Variants in ZEB1 observed in about 807,000 individuals in gnomAD.
ZEB1 encodes zinc finger E-box-binding homeobox 1.
In ZEB1, 21 loss-of-function variants were observed where a neutral mutation model predicts 84.9. The ratio of observed to expected loss-of-function variants is 0.25; its 90% CI spans 0.18 to 0.36. The LOEUF is 0.36. Among genes scored for constraint, ZEB1 ranks in the 10% least tolerant of loss-of-function variants. The probability of loss-of-function intolerance (pLI) is 1.00; values close to 1 mark genes in which losing one functional copy is unlikely to be tolerated. For synonymous variants in ZEB1, 420 were observed against 471.1 expected, an observed-to-expected ratio of 0.89 and a Z score of 1.41; for missense variants, 1,104 against 1,330.2, an observed-to-expected ratio of 0.83 and a Z score of 2.65.
intron 1 of ZEB1, among the ~76,000 whole-genome samples, chr10:31,440,970 G>A (rs1325355736): frequency 6.6e-6 from 1 of 152,116 alleles, no homozygotes; most frequent in Non-Finnish European, 1.5e-5. Flanking sequence ...TCGTGAAAAT[G>A]GCCATACTGC....
In ZEB1 at chr10:31,520,570, T is replaced by C. The variant is rs2072097102; in HGVS notation, c.1238T>C (p.Ile413Thr). The C allele has an allele frequency of 6.2e-7, 1 of 1,614,046 alleles. No individual in the cohort carries two copies. Among genetic ancestry groups the C allele is most frequent in the South Asian group, 1.1e-5 (1 of 91,076 alleles). Reference sequence around the variant, plus strand: ...CCCATAAGTATCAATTTAAGTGATATTCAGAATGTACTTAAAGTGGCGGTA... The same window carrying C: ...CCCATAAGTATCAATTTAAGTGATACTCAGAATGTACTTAAAGTGGCGGTA... ...VSPISINLSD[I>T]QNVLKVAVDG... The change falls in exon 7 of 9, where the codon ATT (isoleucine) becomes ACT (threonine). Residue 413 changes from isoleucine to threonine, a missense_variant. Around this residue, in one of 7 missense-constraint regions of ZEB1, gnomAD observed 531 missense variants for 575.2 expected, o/e 0.92. Coordinates refer to ENST00000424869, the MANE Select transcript of ZEB1 (RefSeq NM_001174096.2). This position sits in a 1 kb window ranked among gnomAD's most constrained non-coding sequence, Gnocchi z 5.1.
intron 1 of ZEB1, among the ~76,000 whole-genome samples, chr10:31,449,169 C>T (rs1225367855): frequency 1.3e-5 from 2 of 152,324 alleles, no homozygotes; most frequent in South Asian, 2.1e-4. Context: ...GGGAGTGACC[C>T]GATTTTCCAG....
At position 31,510,779 on chromosome 10, in the gene ZEB1, T is replaced by C; in HGVS notation, c.591T>C (p.Asn197=). ...KEHIKYRHEK[N]EDNFSCSLCS... is the part of the protein sequence containing the mutation. ...ACATTAAATATCGTCATGAAAAGAA[T>C]GAAGATAACTTTAGTTGCTCCCTGT... The change falls in exon 5 of 9, where the codon AAT becomes AAC. Residue 197 remains asparagine, a synonymous_variant. Coordinates refer to ENST00000424869, the MANE Select transcript of ZEB1 (RefSeq NM_001174096.2). 1 of 1,613,958 alleles carries C rather than the reference T, an allele frequency of 6.2e-7. No individual in the cohort carries two copies. The highest frequency in any genetic ancestry group is 8.5e-7 in the Non-Finnish European group (1 of 1,179,898).
intron 1 of ZEB1, chr10:31,361,206 C>T (rs545692847): frequency 1.6e-5 from 25 of 1,611,516 alleles, no homozygotes; most frequent in East Asian, 6.7e-5. Context: ...ACTACAACAT[C>T]GTTTCAGGAC....
At chr10:31,525,375 G>A (rs2073229288) in intron 8 of ZEB1, among the ~76,000 whole-genome samples, 1 of 152,184 alleles carries the variant, frequency 6.6e-6, no homozygotes, top group Admixed American at 6.5e-5. Context: ...GGGAAGCCCT[G>A]ATTTGTAGTG....
At chr10:31,389,749 A>T (rs1350811268) in intron 1 of ZEB1, 2 of 152,182 alleles carry the variant, frequency 1.3e-5, no homozygotes, top group Non-Finnish European at 2.9e-5. Context: ...AAGAGGCAAA[A>T]TTAGTTTTCA....
chr10:31,521,885 C>T lies in ZEB1; in HGVS notation c.2553C>T (p.Ser851=). ...CATACACCTACTCAACTACGGTCAG[C>T]CCTGCAGTCCAAGAACCACCCTTGA... ...QVAYTYSTTV[S]PAVQEPPLKV... is the part of the protein sequence containing the mutation. The change falls in exon 7 of 9, where the codon AGC becomes AGT. Residue 851 remains serine (S), a synonymous_variant. Transcript: ENST00000424869. 6.2e-7 allele frequency: 1 copy of T among 1,614,030 alleles called. No individual in the cohort carries two copies. The highest frequency in any genetic ancestry group is 2.2e-5 in the East Asian group (1 of 44,844).
intron 3 of ZEB1, 37 bp from the exon 4 acceptor site, chr10:31,502,311 G>T (rs368738992): frequency 1.2e-6 from 2 of 1,607,596 alleles, no homozygotes; most frequent in East Asian, 4.5e-5. Flanking sequence ...TAACTTAGTG[G>T]TGAGATTGCT....
intron 1 of ZEB1, among the ~76,000 whole-genome samples, chr10:31,453,677 G>T (rs2060863879): frequency 1.3e-5 from 2 of 152,028 alleles, no homozygotes; most frequent in South Asian, 4.1e-4. Context: ...TAAATTCCTG[G>T]ACACATACAC....
chr10:31,394,833 C>A (rs920236493), intron 1 of ZEB1, among the ~76,000 whole-genome samples: 1 of 152,104 alleles, frequency 6.6e-6, no homozygotes, highest in Non-Finnish European at 1.5e-5. Flanking sequence ...CACAGTAAAT[C>A]TAGGAAAGAG....
chr10:31,516,628 G>A (rs1359052879), intron 6 of ZEB1, among the ~76,000 whole-genome samples: 1 of 128,550 alleles, frequency 7.8e-6, no homozygotes, highest in Non-Finnish European at 1.6e-5. Flanking sequence ...CAAGTCCATA[G>A]AAAACGTTAT....
At chr10:31,363,737 G>A in intron 1 of ZEB1, 1 of 1,202,292 alleles carries the variant, frequency 8.3e-7, no homozygotes, top group East Asian at 2.6e-5. Context: ...GACAGCACGG[G>A]TTTCTTCCTT....
intron 1 of ZEB1, among the ~76,000 whole-genome samples, chr10:31,448,956 T>G (rs985948432): frequency 2.0e-5 from 3 of 152,224 alleles, no homozygotes; most frequent in African/African-American, 4.8e-5. Flanking sequence ...TGGAGCTTCC[T>G]GGCTGCTTTG....
chr10:31,319,180 AGGGGGAGGGAG>A, upstream of ZEB1: 1 of 701,906 alleles, frequency 1.4e-6, no homozygotes, highest in East Asian at 8.1e-5. Flanking sequence ...GTGGGGGGGA[AGGGGGAGGGAG>A]GGGGAGGAGG....
intron 3 of ZEB1, among the ~76,000 whole-genome samples, chr10:31,497,165 A>G (rs1044528612): frequency 6.6e-6 from 1 of 152,144 alleles, no homozygotes; most frequent in Admixed American, 6.6e-5. Context: ...TAATAAACAT[A>G]AGAGTACACT....
chr10:31,321,701 A>C, intron 1 of ZEB1: 1 of 939,308 alleles, frequency 1.1e-6, no homozygotes, highest in East Asian at 2.5e-5. Context: ...GAAAGAATGG[A>C]TTTTTCTCCT....
intron 1 of ZEB1, among the ~76,000 whole-genome samples, chr10:31,403,329 G>A (rs1258650909): frequency 6.6e-6 from 1 of 151,892 alleles, no homozygotes; most frequent in Non-Finnish European, 1.5e-5. Context: ...AATAGTTATT[G>A]TTGCAGTATG....
At chr10:31,497,071 T>G (rs916049674) in intron 3 of ZEB1, among the ~76,000 whole-genome samples, 3 of 152,098 alleles carry the variant, frequency 2.0e-5, no homozygotes, top group Admixed American at 1.3e-4. Flanking sequence ...TCAGATATGC[T>G]TGTTATCAAA....
intron 1 of ZEB1, among the ~76,000 whole-genome samples, chr10:31,372,305 A>T (rs897455436): frequency 6.6e-6 from 1 of 152,092 alleles, no homozygotes; most frequent in Non-Finnish European, 1.5e-5. Flanking sequence ...ATGTTAGGAC[A>T]CTGAGATATA....
Sources: allele counts gnomAD v4.1 joint callset (sites outside exome capture counted in the v4.1 genomes callset), GRCh38; gene constraint gnomAD v4.1.1; regional missense constraint gnomAD v4.1.1; non-coding constraint Gnocchi (gnomAD v3.1); transcripts MANE v1.5; gene names NCBI Gene and HGNC (gene_info 2026-07-23, HGNC 2026-07-21).